The following SLC60A1 variants were observed in gnomAD, a reference collection of about 807,000 sequenced individuals.
SLC60A1 encodes the protein solute carrier family 60 member 1.
chr1:205,592,337 G>C, the SLC60A1 span: 1 of 1,542,094 alleles, frequency 6.5e-7, no homozygotes, highest in Non-Finnish European at 8.8e-7. Flanking sequence ...GCTGGGCGCC[G>C]CCGCCTCGCT....
chr1:205,593,554 T>A, the SLC60A1 span, among the ~76,000 whole-genome samples: 1 of 151,936 alleles, frequency 6.6e-6, no homozygotes, highest in Non-Finnish European at 1.5e-5. Flanking sequence ...ACCCAGCAGT[T>A]ATCCACAGCC....
chr1:205,593,833 C>T, the SLC60A1 span, among the ~76,000 whole-genome samples: 2 of 152,144 alleles, frequency 1.3e-5, no homozygotes, highest in African/African-American at 4.8e-5. Context: ...CTTGTGAGAC[C>T]ATTCTCTGCG....
chr1:205,597,593 G>C, the SLC60A1 span: 1 of 538,250 alleles, frequency 1.9e-6, no homozygotes, highest in African/African-American at 1.9e-5. Context: ...ACCAAGTCTT[G>C]TGATATTGCC....
At chr1:205,595,048 C>T in the SLC60A1 span, 2 of 152,246 alleles carry the variant, frequency 1.3e-5, no homozygotes, top group African/African-American at 4.8e-5. Context: ...GCTGTGCTTA[C>T]TTCAGCAGCA....
At chr1:205,579,570 T>C in the SLC60A1 span, 7 of 659,826 alleles carry the variant, frequency 1.1e-5, no homozygotes, top group South Asian at 1.3e-4. Flanking sequence ...TAGATTGTTA[T>C]CTGAGCAGAC....
At chr1:205,578,561 AG>A in the SLC60A1 span, among the ~76,000 whole-genome samples, 1 of 152,244 alleles carries the variant, frequency 6.6e-6, no homozygotes, top group Non-Finnish European at 1.5e-5. Flanking sequence ...CTCTATCAGC[AG>A]AGCCATTCTG....
chr1:205,594,001 C>T, the SLC60A1 span, among the ~76,000 whole-genome samples: 7 of 152,290 alleles, frequency 4.6e-5, no homozygotes, highest in South Asian at 1.5e-3. Context: ...GTATAAATTC[C>T]ATTGAATCAT....
At chr1:205,586,831 G>A in the SLC60A1 span, among the ~76,000 whole-genome samples, 1 of 152,014 alleles carries the variant, frequency 6.6e-6, no homozygotes, top group Non-Finnish European at 1.5e-5. Context: ...CAAGTAACTG[G>A]GATGACAGGT....
the SLC60A1 span, among the ~76,000 whole-genome samples, chr1:205,574,546 C>A: frequency 6.6e-6 from 1 of 152,042 alleles, no homozygotes; most frequent in Non-Finnish European, 1.5e-5. Context: ...CTACAACAGA[C>A]AAAGTAAAAG....
chr1:205,585,021 T>G, the SLC60A1 span: 32 of 1,575,252 alleles, frequency 2.0e-5, no homozygotes, highest in Non-Finnish European at 2.4e-5. This position sits in a 1 kb window ranked among gnomAD's most constrained non-coding sequence, Gnocchi z 4.2. Context: ...CGCCCCCTAC[T>G]GGGGGACCCT....
At chr1:205,593,689 ATTT>A in the SLC60A1 span, among the ~76,000 whole-genome samples, 43 of 152,092 alleles carry the variant, frequency 2.8e-4, no homozygotes, top group East Asian at 7.9e-3. Context: ...TCAAAATGGA[ATTT>A]TTTTTATTAT....
At chr1:205,574,003 T>A in the SLC60A1 span, among the ~76,000 whole-genome samples, 1 of 152,020 alleles carries the variant, frequency 6.6e-6, no homozygotes, top group Non-Finnish European at 1.5e-5. Flanking sequence ...GGCCTGGATA[T>A]AAGATTTCTT....
chr1:205,578,692 C>T, the SLC60A1 span, among the ~76,000 whole-genome samples: 6 of 92,398 alleles, frequency 6.5e-5, no homozygotes, highest in Non-Finnish European at 1.8e-4. Context: ...GGGCCCTCCT[C>T]TTTTTTTTTC....
At chr1:205,587,534 A>G in the SLC60A1 span, among the ~76,000 whole-genome samples, 2 of 152,098 alleles carry the variant, frequency 1.3e-5, no homozygotes, top group African/African-American at 4.8e-5. Context: ...AGGAATTTGC[A>G]TTTCTCTTTG....
the SLC60A1 span, among the ~76,000 whole-genome samples, chr1:205,599,612 G>C: frequency 6.6e-6 from 1 of 152,204 alleles, no homozygotes; most frequent in African/African-American, 2.4e-5. Context: ...CCGACTCCTT[G>C]GCTGGAACTC....
the SLC60A1 span, chr1:205,592,434 C>A: frequency 2.5e-4 from 224 of 888,752 alleles, no homozygotes; most frequent in Non-Finnish European, 3.4e-4. Flanking sequence ...GCACAACGTG[C>A]AGGTTTGTTA....
the SLC60A1 span, among the ~76,000 whole-genome samples, chr1:205,573,307 C>T: frequency 2.0e-5 from 3 of 152,030 alleles, no homozygotes; most frequent in African/African-American, 7.2e-5. Context: ...GTAATCCCAG[C>T]TACTCGGGAG....
the SLC60A1 span, chr1:205,569,105 C>G: frequency 2.0e-6 from 3 of 1,517,486 alleles, no homozygotes; most frequent in Admixed American, 4.2e-5. Context: ...GGCTGCTCCG[C>G]CGCAACCTGC....
the SLC60A1 span, chr1:205,600,817 A>G: frequency 1.2e-4 from 24 of 204,656 alleles, no homozygotes; most frequent in Middle Eastern, 1.7e-3. Context: ...TTGTAAAAAT[A>G]GGTTGAAATT....
Sources: gnomAD v4.1 joint callset for allele counts (sites outside exome capture counted in the v4.1 genomes callset) on GRCh38, gnomAD v4.1.1 for gene constraint, Gnocchi (gnomAD v3.1) non-coding constraint, MANE v1.5 for transcripts, NCBI Gene and HGNC (gene_info 2026-07-23, HGNC 2026-07-21) for gene names.